PNPLA6: variants seen among roughly 807,000 people sequenced by gnomAD.
The protein encoded by PNPLA6 is patatin like domain 6, lysophospholipase, also known as patatin-like phospholipase domain-containing protein 6.
PNPLA6 carries 105 observed loss-of-function variants against 153.7 expected under a neutral mutation model. The observed-to-expected ratio is 0.68, with a 90% confidence interval of 0.58 to 0.80. PNPLA6 has a LOEUF of 0.80. PNPLA6 is among the 30% of genes least tolerant of loss of function. The probability of loss-of-function intolerance (pLI) is 0.00; values close to 1 mark genes in which losing one functional copy is unlikely to be tolerated. For synonymous variants in PNPLA6, 825 were observed against 822.2 expected (o/e 1.00, Z -0.06); for missense variants, 1,423 against 1,919.3 (o/e 0.74, Z 4.83).
At chr19:7,553,623 C>T (rs912907233) in intron 18 of PNPLA6, among the ~76,000 whole-genome samples, 5 of 152,184 alleles carry the variant, frequency 3.3e-5, no homozygotes, top group Non-Finnish European at 7.3e-5. Context: ...CTGAGGTGAT[C>T]AGGGCCCAAA....
chr19:7,542,993 C>T lies in PNPLA6; in HGVS notation c.1531-14C>T, dbSNP rs531317475. 3 of 1,613,972 alleles carry T rather than the reference C, an allele frequency of 1.9e-6. No individual in the cohort carries two copies. In the South Asian group the frequency reaches 3.3e-5, roughly 18 times the overall value. On this transcript the variant is annotated splice_polypyrimidine_tract_variant and intron_variant, in intron 12 of 31. Coordinates refer to ENST00000600737, the MANE Select transcript of PNPLA6 (RefSeq NM_001166114.2). ...GGCCTGGCTGCGCCCATCTCAACCCCCCTACCTCCCCAGGACCCCTCCCTC... is the reference window on the plus strand; with the variant it reads ...GGCCTGGCTGCGCCCATCTCAACCCTCCTACCTCCCCAGGACCCCTCCCTC...
chr19:7,541,066 G>A lies in PNPLA6; in HGVS notation c.924+15G>A, dbSNP rs1167944518. ...GGGTCGTGCAGGTCAGTGGGCCTTC[G>A]CCTCCTGTCACCCCCTGAGGGACCC... On this transcript the variant is annotated intron_variant, in intron 7 of 31. Coordinates refer to ENST00000600737, the MANE Select transcript of PNPLA6 (RefSeq NM_001166114.2). This position sits in a 1 kb window ranked among gnomAD's most constrained non-coding sequence, Gnocchi z 5.2. 7 of 1,605,880 alleles carry A rather than the reference G, an allele frequency of 4.4e-6. No individual in the cohort carries two copies. The Admixed American group carries it at 5.1e-5, about 12-fold the overall frequency.
intron 3 of PNPLA6, among the ~76,000 whole-genome samples, chr19:7,538,882 AC>A (rs1314527976): frequency 6.6e-6 from 1 of 152,062 alleles, no homozygotes; most frequent in African/African-American, 2.4e-5. Context: ...CCGTTTCAGG[AC>A]CCCCATGATA....
intron 13 of PNPLA6, among the ~76,000 whole-genome samples, chr19:7,547,825 T>A (rs2023453265): frequency 8.2e-6 from 1 of 122,402 alleles, no homozygotes; most frequent in African/African-American, 3.3e-5. Flanking sequence ...TTTTTTTTTT[T>A]TTTTTTTTTT....
chr19:7,553,352 A>G (rs988794672), intron 18 of PNPLA6, among the ~76,000 whole-genome samples: 2 of 152,188 alleles, frequency 1.3e-5, no homozygotes, highest in African/African-American at 4.8e-5. Context: ...CCCAGGTTCA[A>G]GTGATTCTCC....
At chr19:7,534,200 G>A (rs1275969010), upstream of PNPLA6, 1 of 346,390 alleles carries the variant, frequency 2.9e-6, no homozygotes, top group African/African-American at 2.1e-5. Flanking sequence ...CGGAACGCTA[G>A]CGGTGTTGGC....
At chr19:7,551,180 TGGGCGGGGCTTACAGAG>T in intron 17 of PNPLA6, 73 bp downstream of exon 17, 1 of 216,650 alleles carries the variant, frequency 4.6e-6, no homozygotes. Context: ...GCCTAGTGTG[TGGGCGGGGCTTACAGAG>T]GGGCGGGGTC....
At chr19:7,553,611 C>T (rs2146098675) in intron 18 of PNPLA6, among the ~76,000 whole-genome samples, 1 of 152,334 alleles carries the variant, frequency 6.6e-6, no homozygotes, top group Admixed American at 6.5e-5. Context: ...TAATGGATCC[C>T]ACTGAGGTGA....
chr19:7,538,918 A>G (rs556596945), intron 3 of PNPLA6, among the ~76,000 whole-genome samples: 9 of 152,270 alleles, frequency 5.9e-5, no homozygotes, highest in African/African-American at 2.2e-4. Context: ...TTCTGGGCCT[A>G]CCCTTATCTT....
At chr19:7,539,077 A>G (rs1466828157) in intron 3 of PNPLA6, among the ~76,000 whole-genome samples, 3 of 152,270 alleles carry the variant, frequency 2.0e-5, no homozygotes, top group East Asian at 3.8e-4. Context: ...TTTGCTGGCC[A>G]CATATGGTCC....
upstream of PNPLA6, chr19:7,535,207 G>A: frequency 5.7e-6 from 3 of 529,586 alleles, no homozygotes; most frequent in Non-Finnish European, 1.0e-5. This position sits in a 1 kb window ranked among gnomAD's most constrained non-coding sequence, Gnocchi z 5.0. Flanking sequence ...CTGACAGTGG[G>A]TACCAGGTCG....
intron 3 of PNPLA6, among the ~76,000 whole-genome samples, chr19:7,537,585 C>G (rs770198957): frequency 2.7e-4 from 41 of 152,180 alleles, no homozygotes; most frequent in Non-Finnish European, 4.4e-5. Flanking sequence ...TTCTTCACAC[C>G]AGGGCAGGGC....
chr19:7,555,110 G>T lies in PNPLA6; in HGVS notation c.2817+35G>T. On this transcript the variant is annotated intron_variant, in intron 22 of 31. Transcript: ENST00000600737. The surrounding 1 kb of genome is among the most constrained non-coding windows in gnomAD (Gnocchi z 6.3). Reference sequence around the variant, plus strand: ...GGGCCGGCCCCCACCTTCTAGGGGCGTGGCTGGTGGGCGAGGCTTGGGAGA... The same window carrying T: ...GGGCCGGCCCCCACCTTCTAGGGGCTTGGCTGGTGGGCGAGGCTTGGGAGA... The T allele has an allele frequency of 6.3e-7, 1 of 1,581,732 alleles. No homozygotes were observed.
intron 13 of PNPLA6, among the ~76,000 whole-genome samples, chr19:7,546,865 G>A (rs1330470574): frequency 6.6e-6 from 1 of 151,698 alleles, no homozygotes; most frequent in Non-Finnish European, 1.5e-5. Flanking sequence ...TTTCTCTTGG[G>A]TATATACCTA....
chr19:7,553,111 G>C (rs916983608), intron 18 of PNPLA6, among the ~76,000 whole-genome samples: 1 of 152,126 alleles, frequency 6.6e-6, no homozygotes, highest in Non-Finnish European at 1.5e-5. Flanking sequence ...GTTAGATTGG[G>C]GAGGAAGGAT....
Position 7,561,481 on chromosome 19 carries a change from C to A in PNPLA6, c.4024-7C>A. 2 of 1,603,630 alleles carry A rather than the reference C, an allele frequency of 1.2e-6. No individual in the cohort carries two copies. The highest frequency in any genetic ancestry group is 1.7e-6 in the Non-Finnish European group (2 of 1,175,410). ...CTGGGTGACGTGTGTGTGACCTTCC[C>A]TCGCAGGAGGAGGAGAAGTCGATTC... On this transcript the variant is annotated splice_region_variant and splice_polypyrimidine_tract_variant and intron_variant, in intron 31 of 31. Coordinates refer to ENST00000600737, the MANE Select transcript of PNPLA6 (RefSeq NM_001166114.2).
Position 7,540,511 on chromosome 19 carries a change from G to C in PNPLA6, c.715-119G>C. ...TGGGAGATGCCTGCTCGTTGGAAGG[G>C]TTGGTGGGTTCCCCTGAGAAGGGAT... On this transcript the variant is annotated intron_variant, in intron 5 of 31. Coordinates refer to ENST00000600737, the MANE Select transcript of PNPLA6 (RefSeq NM_001166114.2). The surrounding 1 kb of genome is among the most constrained non-coding windows in gnomAD (Gnocchi z 6.8). The C allele has an allele frequency of 9.7e-7, 1 of 1,035,490 alleles. No homozygotes were observed. Among genetic ancestry groups the C allele is most frequent in the Non-Finnish European group, 1.5e-6 (1 of 662,118 alleles). The allele number at this position is 1,035,490 out of a possible 1,614,324, so 64.1% of individuals were successfully genotyped here.
Position 7,556,369 on chromosome 19 carries a change from G to T in PNPLA6, c.3094-84G>T, listed in dbSNP as rs780019556. Reference sequence around the variant, plus strand: ...GAGCCGCTGCACCTGGCCCCTAAGTGCTGCTTGCTCACCCCCTATTGATGA... The same window carrying T: ...GAGCCGCTGCACCTGGCCCCTAAGTTCTGCTTGCTCACCCCCTATTGATGA... On this transcript the variant is annotated intron_variant, in intron 24 of 31. Coordinates refer to ENST00000600737, the MANE Select transcript of PNPLA6 (RefSeq NM_001166114.2). 8.1e-6 allele frequency: 7 copies of T among 859,588 alleles called. No homozygotes were observed. In the Admixed American group the frequency reaches 1.0e-4, roughly 12 times the overall value. The allele number at this position is 859,588 out of a possible 1,614,324, so 53.2% of individuals were successfully genotyped here. A position where few individuals can be genotyped will look rare whatever the true frequency, so the allele number is the denominator to read the frequency against.
chr19:7,538,659 C>A (rs925190825), intron 3 of PNPLA6, among the ~76,000 whole-genome samples: 1 of 152,122 alleles, frequency 6.6e-6, no homozygotes. Context: ...CTGGATTCTC[C>A]ACTTATAATG....
Sources: allele counts gnomAD v4.1 joint callset (sites outside exome capture counted in the v4.1 genomes callset), GRCh38; gene constraint gnomAD v4.1.1; non-coding constraint Gnocchi (gnomAD v3.1); transcripts MANE v1.5; gene names NCBI Gene and HGNC (gene_info 2026-07-23, HGNC 2026-07-21).